Variants in MRAP2 observed in about 807,000 individuals in gnomAD.
The protein encoded by MRAP2 is melanocortin 2 receptor accessory protein 2, also known as melanocortin-2 receptor accessory protein 2.
Under a neutral mutation model 17.4 loss-of-function variants are expected in MRAP2, and 20 were observed. That is an observed-to-expected ratio of 1.15 (90% confidence interval 0.81 to 1.67). The LOEUF (loss-of-function observed/expected upper bound fraction) is 1.67. MRAP2 is among the 40% of genes most tolerant of loss of function. The pLI, the probability that MRAP2 is intolerant of heterozygous loss-of-function variation, is 0.00. For synonymous variants in MRAP2, 96 were observed against 88.4 expected (o/e 1.09, Z -0.48); for missense variants, 238 against 240.0 (o/e 0.99, Z 0.05).
chr6:84,122,352 C>CAAAAAAAAAAAAAAAA, the MRAP2 span, among the ~76,000 whole-genome samples: 5 of 36,156 alleles, frequency 1.4e-4, 2 homozygotes, highest in African/African-American at 5.7e-4. Context: ...ACAGCACATC[C>CAAAAAAAAAAAAAAAA]AAAAAAAAAA....
the MRAP2 span, among the ~76,000 whole-genome samples, chr6:84,106,547 G>A: frequency 6.6e-6 from 1 of 152,110 alleles, no homozygotes; most frequent in Non-Finnish European, 1.5e-5. Context: ...GGAGGTCCAT[G>A]TTGTTGAGCC....
the MRAP2 span, among the ~76,000 whole-genome samples, chr6:84,098,759 C>T: frequency 6.6e-6 from 1 of 152,088 alleles, no homozygotes; most frequent in Non-Finnish European, 1.5e-5. Context: ...ATATCTTTAG[C>T]AAAGTGCCTT....
At chr6:84,104,497 T>C in the MRAP2 span, among the ~76,000 whole-genome samples, 1 of 152,224 alleles carries the variant, frequency 6.6e-6, no homozygotes, top group Non-Finnish European at 1.5e-5. Context: ...TTTACAACTT[T>C]TATGCTGTGT....
chr6:84,089,167 A>T lies in MRAP2; in HGVS notation c.304A>T (p.Lys102Ter). 1 of 1,614,222 alleles carries T rather than the reference A, an allele frequency of 6.2e-7. No homozygotes were observed. Among genetic ancestry groups the T allele is most frequent in the Non-Finnish European group, 8.5e-7 (1 of 1,180,048 alleles). The change falls in exon 4 of 4, where the codon AAA (lysine) becomes TAA (stop). Residue 102 changes from lysine (K) to a stop codon, truncating the protein, a stop_gained. Transcript: ENST00000257776. LOFTEE classifies it high-confidence loss of function. ...CTTTGGAAGACCTCTGGAGCCAGAT[A>T]AAGTATTTTCTCGCCAAGGCAACGA... is the stretch of plus-strand genomic sequence containing the variant. ...SDFGRPLEPD[K>*]VFSRQGNEES...
At chr6:84,120,208 T>C in the MRAP2 span, among the ~76,000 whole-genome samples, 1 of 152,210 alleles carries the variant, frequency 6.6e-6, no homozygotes, top group African/African-American at 2.4e-5. Context: ...TGCCTTTTTG[T>C]TCTATATAGG....
At chr6:84,073,289 C>T (rs577804354) in intron 3 of MRAP2, among the ~76,000 whole-genome samples, 323 of 152,272 alleles carry the variant, frequency 2.1e-3, no homozygotes, top group South Asian at 5.4e-3. Context: ...GTATTTCACT[C>T]GGCTCTCTAA....
At chr6:84,120,154 A>G in the MRAP2 span, among the ~76,000 whole-genome samples, 5 of 152,116 alleles carry the variant, frequency 3.3e-5, no homozygotes, top group Admixed American at 1.3e-4. Context: ...CAAAATCAGA[A>G]GAAGGGTGTC....
chr6:84,125,192 G>A, the MRAP2 span: 9 of 1,613,468 alleles, frequency 5.6e-6, no homozygotes, highest in East Asian at 2.2e-5. Context: ...TCCAGCTCAC[G>A]ATTCTTTAAC....
the MRAP2 span, among the ~76,000 whole-genome samples, chr6:84,132,083 T>A: frequency 3.3e-5 from 5 of 152,246 alleles, no homozygotes; most frequent in East Asian, 9.6e-4. Context: ...AAGGATTTTA[T>A]TTCTCCTTCA....
the MRAP2 span, among the ~76,000 whole-genome samples, chr6:84,137,368 A>T: frequency 9.2e-5 from 14 of 152,216 alleles, no homozygotes; most frequent in Admixed American, 4.6e-4. Context: ...AAACCCTATG[A>T]TCATTCCACT....
the MRAP2 span, chr6:84,124,798 A>AT: frequency 2.5e-6 from 1 of 401,984 alleles, no homozygotes; most frequent in African/African-American, 2.1e-5. Context: ...TTTTCTTTCT[A>AT]TTTCTAGCAT....
At chr6:84,042,346 A>G (rs2099487813) in intron 1 of MRAP2, among the ~76,000 whole-genome samples, 1 of 152,176 alleles carries the variant, frequency 6.6e-6, no homozygotes, top group Non-Finnish European at 1.5e-5. Flanking sequence ...ATGGACTAAA[A>G]ACTTCCACTG....
At chr6:84,057,019 C>T (rs1321998030) in intron 2 of MRAP2, among the ~76,000 whole-genome samples, 2 of 152,090 alleles carry the variant, frequency 1.3e-5, no homozygotes, top group Non-Finnish European at 2.9e-5. Flanking sequence ...TTTTAATATT[C>T]ACGTCAAGAT....
chr6:84,054,224 TG>T lies in MRAP2; in HGVS notation c.-7-1086del, dbSNP rs200538875. Among the ~76,000 whole-genome samples the T allele has an allele frequency of 1.8e-3, 270 of 152,312 alleles. 6 individuals are homozygous for T. In the East Asian group the frequency reaches 0.041, roughly 23 times the overall value. On this transcript the variant is annotated intron_variant, in intron 1 of 3. Transcript: ENST00000257776. ...TTTCTCCATTATAAGGGAAGGTCTG[TG>T]GAGTACTGATCTGTCTCAGGCATCT...
At chr6:84,064,704 G>A (rs191756752) in intron 3 of MRAP2, among the ~76,000 whole-genome samples, 3 of 152,134 alleles carry the variant, frequency 2.0e-5, no homozygotes, top group African/African-American at 4.8e-5. Context: ...AGCCAGGATG[G>A]TCTCGATCTG....
intron 3 of MRAP2, among the ~76,000 whole-genome samples, chr6:84,076,326 T>C (rs2099497601): frequency 6.6e-6 from 1 of 151,638 alleles, no homozygotes; most frequent in African/African-American, 2.4e-5. Flanking sequence ...TGGGTTCAAG[T>C]GATTCTCCTG....
At chr6:84,120,746 A>T in the MRAP2 span, among the ~76,000 whole-genome samples, 1 of 152,230 alleles carries the variant, frequency 6.6e-6, no homozygotes, top group Non-Finnish European at 1.5e-5. Flanking sequence ...TAGTCAAAAG[A>T]ACAAAAGAAA....
At chr6:84,087,834 T>C (rs569906408) in intron 3 of MRAP2, among the ~76,000 whole-genome samples, 1 of 152,316 alleles carries the variant, frequency 6.6e-6, no homozygotes, top group African/African-American at 2.4e-5. Context: ...TCTTGCTTGA[T>C]GTCACCCAGG....
the MRAP2 span, among the ~76,000 whole-genome samples, chr6:84,106,738 T>A: frequency 1.3e-5 from 2 of 152,168 alleles, no homozygotes; most frequent in Non-Finnish European, 2.9e-5. Flanking sequence ...CCTCTTCATG[T>A]AACATACTTA....
Sources: allele counts gnomAD v4.1 joint callset (sites outside exome capture counted in the v4.1 genomes callset), GRCh38; gene constraint gnomAD v4.1.1; transcripts MANE v1.5; gene names NCBI Gene and HGNC (gene_info 2026-07-23, HGNC 2026-07-21).